The following VDAC1 variants were observed in gnomAD, a reference collection of about 807,000 sequenced individuals.
VDAC1 encodes non-selective voltage-gated ion channel VDAC1.
In VDAC1, 10 loss-of-function variants were observed where a neutral mutation model predicts 34.7. That is an observed-to-expected ratio of 0.29 (90% CI 0.18 to 0.49). VDAC1 has a LOEUF of 0.49. VDAC1 is among the 20% of genes least tolerant of loss of function. The pLI, the probability that VDAC1 is intolerant of heterozygous loss-of-function variation, is 0.99. For synonymous variants in VDAC1, 130 were observed against 136.0 expected, an observed-to-expected ratio of 0.96 and a Z score of 0.30; for missense variants, 230 against 347.9, an observed-to-expected ratio of 0.66 and a Z score of 2.69.
chr5:134,100,187 C>T, the VDAC1 span, among the ~76,000 whole-genome samples: 2 of 152,194 alleles, frequency 1.3e-5, no homozygotes, highest in African/African-American at 4.8e-5. Context: ...GAGTATAGAC[C>T]CTAGCAGTGG....
chr5:134,058,128 T>C, the VDAC1 span, among the ~76,000 whole-genome samples: 1 of 152,086 alleles, frequency 6.6e-6, no homozygotes, highest in African/African-American at 2.4e-5. Flanking sequence ...CCTTAAATAA[T>C]CTGCCTGCTT....
At chr5:134,086,172 G>A in the VDAC1 span, among the ~76,000 whole-genome samples, 1 of 152,136 alleles carries the variant, frequency 6.6e-6, no homozygotes, top group African/African-American at 2.4e-5. Flanking sequence ...CTCCAGCCTG[G>A]GCAACAGAGC....
the VDAC1 span, among the ~76,000 whole-genome samples, chr5:134,077,453 A>C: frequency 2.6e-5 from 4 of 152,050 alleles, no homozygotes; most frequent in Admixed American, 2.6e-4. Flanking sequence ...TGCAGCCTCT[A>C]CCCTCATGGA....
the VDAC1 span, among the ~76,000 whole-genome samples, chr5:134,092,767 G>A: frequency 6.6e-6 from 1 of 151,930 alleles, no homozygotes; most frequent in Non-Finnish European, 1.5e-5. Context: ...CAAAACCCCA[G>A]CGATGCCCCA....
the VDAC1 span, among the ~76,000 whole-genome samples, chr5:134,046,415 C>T: frequency 6.6e-6 from 1 of 152,148 alleles, no homozygotes; most frequent in Non-Finnish European, 1.5e-5. Flanking sequence ...GAGTGATCTG[C>T]CTGCCTCAGC....
At chr5:134,041,413 C>A in the VDAC1 span, among the ~76,000 whole-genome samples, 2 of 152,220 alleles carry the variant, frequency 1.3e-5, no homozygotes, top group Non-Finnish European at 2.9e-5. Context: ...CTCTGCTGAC[C>A]AGTGGGAAGG....
chr5:133,988,566 C>T (rs1214273153), intron 5 of VDAC1, among the ~76,000 whole-genome samples: 1 of 152,034 alleles, frequency 6.6e-6, no homozygotes, highest in Non-Finnish European at 1.5e-5. Context: ...AGTTCAAGAC[C>T]AGCCTGGCCA....
At chr5:134,007,016 GCT>G (rs1753767479), upstream of VDAC1, among the ~76,000 whole-genome samples, 2 of 151,978 alleles carry the variant, frequency 1.3e-5, no homozygotes, top group Non-Finnish European at 2.9e-5. Context: ...GGCTGAGGCG[GCT>G]GGATCACCTG....
intron 8 of VDAC1, among the ~76,000 whole-genome samples, 173 bp from the exon 9 acceptor site, chr5:133,973,035 G>A (rs2126886810): frequency 6.6e-6 from 1 of 152,316 alleles, no homozygotes; most frequent in Non-Finnish European, 1.5e-5. Flanking sequence ...ATACTACAGT[G>A]GGCTTATAAA....
At chr5:134,067,765 CT>C in the VDAC1 span, among the ~76,000 whole-genome samples, 1 of 152,022 alleles carries the variant, frequency 6.6e-6, no homozygotes, top group Non-Finnish European at 1.5e-5. Flanking sequence ...ACTTCCCTAG[CT>C]TCATGATCAG....
chr5:134,061,468 C>T, the VDAC1 span, among the ~76,000 whole-genome samples: 1 of 151,212 alleles, frequency 6.6e-6, no homozygotes, highest in African/African-American at 2.4e-5. Context: ...ACTTCCCAGA[C>T]TCAAGCAATC....
the VDAC1 span, among the ~76,000 whole-genome samples, chr5:134,076,611 A>G: frequency 6.6e-6 from 1 of 152,194 alleles, no homozygotes; most frequent in African/African-American, 2.4e-5. Context: ...AAGGGACTCC[A>G]TACCCAGGCA....
the VDAC1 span, among the ~76,000 whole-genome samples, chr5:134,110,617 G>T: frequency 6.6e-6 from 1 of 152,266 alleles, no homozygotes; most frequent in African/African-American, 2.4e-5. Flanking sequence ...TCCATGGGAA[G>T]TGCTCCTGCC....
At chr5:134,027,126 G>A in the VDAC1 span, among the ~76,000 whole-genome samples, 21 of 152,250 alleles carry the variant, frequency 1.4e-4, no homozygotes, top group East Asian at 1.4e-3. Flanking sequence ...CCCCAACCCC[G>A]CCCTATAAAG....
At chr5:134,057,382 AGCCC>A in the VDAC1 span, among the ~76,000 whole-genome samples, 1 of 152,212 alleles carries the variant, frequency 6.6e-6, no homozygotes, top group African/African-American at 2.4e-5. Flanking sequence ...TGGGAGGCTG[AGCCC>A]GGAGAATTGC....
the VDAC1 span, among the ~76,000 whole-genome samples, chr5:134,089,794 A>G: frequency 1.3e-5 from 2 of 152,184 alleles, no homozygotes; most frequent in Non-Finnish European, 2.9e-5. Context: ...GTTCGAGACC[A>G]GCCTGGCCAA....
At chr5:134,097,957 C>T in the VDAC1 span, among the ~76,000 whole-genome samples, 1 of 151,992 alleles carries the variant, frequency 6.6e-6, no homozygotes, top group African/African-American at 2.4e-5. Flanking sequence ...GCAACCTCTG[C>T]CTCCCAGGTT....
the VDAC1 span, among the ~76,000 whole-genome samples, chr5:134,038,648 A>G: frequency 6.6e-6 from 1 of 152,222 alleles, no homozygotes; most frequent in Non-Finnish European, 1.5e-5. Context: ...AGATAACTCA[A>G]TTCTGCCAAG....
At chr5:134,063,995 ATTTTTTTTTTTTTTTTT>A in the VDAC1 span, among the ~76,000 whole-genome samples, 3 of 86,518 alleles carry the variant, frequency 3.5e-5, no homozygotes, top group East Asian at 1.2e-3. Context: ...ACCTGTACTA[ATTTTTTTTTTTTTTTTT>A]TTTTTTTTAG....
Sources: gnomAD v4.1 joint callset for allele counts (sites outside exome capture counted in the v4.1 genomes callset) on GRCh38, gnomAD v4.1.1 for gene constraint, MANE v1.5 for transcripts, NCBI Gene and HGNC (gene_info 2026-07-23, HGNC 2026-07-21) for gene names.